Variants in LRRC7 observed in about 807,000 individuals in gnomAD.
The protein encoded by LRRC7 is leucine rich repeat containing 7.
LRRC7 carries 23 observed loss-of-function variants against 175.7 expected under a neutral mutation model. The observed-to-expected ratio is 0.13, with a 90% CI of 0.09 to 0.19. The LOEUF (loss-of-function observed/expected upper bound fraction) is 0.19. LRRC7 is among the 10% of genes least tolerant of loss of function. LRRC7 has a pLI of 1.00. For missense variants in LRRC7, 1,354 were observed against 1,904.7 expected, an observed-to-expected ratio of 0.71 and a Z score of 5.38; for synonymous variants, 685 against 680.9, an observed-to-expected ratio of 1.01 and a Z score of -0.09.
intron 23 of LRRC7, among the ~76,000 whole-genome samples, chr1:70,058,656 A>G (rs1445949002): frequency 2.0e-5 from 3 of 152,232 alleles, no homozygotes; most frequent in Non-Finnish European, 4.4e-5. Flanking sequence ...CACAGCAACT[A>G]TATGAAGTAA....
At chr1:69,986,566 C>T (rs921245915) in intron 10 of LRRC7, among the ~76,000 whole-genome samples, 180 bp downstream of exon 10, 1 of 152,072 alleles carries the variant, frequency 6.6e-6, no homozygotes, top group Admixed American at 6.6e-5. Context: ...AATATTAACT[C>T]GTTTCCAAAT....
At chr1:69,745,139 T>C (rs1340928731) in intron 2 of LRRC7, among the ~76,000 whole-genome samples, 1 of 151,924 alleles carries the variant, frequency 6.6e-6, no homozygotes, top group Non-Finnish European at 1.5e-5. Flanking sequence ...GTTCAAGATA[T>C]GAGAAGGGAA....
intron 11 of LRRC7, among the ~76,000 whole-genome samples, chr1:70,001,457 A>C (rs534338262): frequency 6.6e-6 from 1 of 152,326 alleles, no homozygotes; most frequent in South Asian, 2.1e-4. Context: ...GTTTTAATGG[A>C]TAATTATCTT....
intron 7 of LRRC7, among the ~76,000 whole-genome samples, chr1:69,910,999 G>T (rs1199677293): frequency 6.6e-6 from 1 of 152,210 alleles, no homozygotes; most frequent in Non-Finnish European, 1.5e-5. Context: ...GACCCTCCGA[G>T]TCATGTGGGG....
intron 23 of LRRC7, among the ~76,000 whole-genome samples, chr1:70,065,420 A>C (rs2102096953): frequency 6.6e-6 from 1 of 152,064 alleles, no homozygotes; most frequent in Admixed American, 6.6e-5. Flanking sequence ...ATGATGTAAA[A>C]TACTTATCAC....
chr1:69,827,926 A>C (rs1404004096), intron 5 of LRRC7, among the ~76,000 whole-genome samples: 2 of 152,142 alleles, frequency 1.3e-5, no homozygotes, highest in Non-Finnish European at 2.9e-5. Flanking sequence ...CATAGTCAAG[A>C]TATAGACTAT....
chr1:69,987,342 A>G (rs1279815398), intron 10 of LRRC7, among the ~76,000 whole-genome samples: 1 of 152,244 alleles, frequency 6.6e-6, no homozygotes, highest in Non-Finnish European at 1.5e-5. Flanking sequence ...TGCTGTTAGT[A>G]TTTGTAAGAG....
chr1:69,592,263 TA>T (rs1646666916), intron 1 of LRRC7, among the ~76,000 whole-genome samples: 1 of 152,032 alleles, frequency 6.6e-6, no homozygotes, highest in Non-Finnish European at 1.5e-5. Context: ...ATAAAAATTT[TA>T]AATGAAATTA....
chr1:69,650,088 A>G (rs1276948572), intron 1 of LRRC7, among the ~76,000 whole-genome samples: 2 of 152,194 alleles, frequency 1.3e-5, no homozygotes. Context: ...ACTCAAGGAC[A>G]TAGCACAACA....
chr1:70,092,032 A>G (rs1664065735), intron 25 of LRRC7, among the ~76,000 whole-genome samples: 1 of 152,122 alleles, frequency 6.6e-6, no homozygotes, highest in African/African-American at 2.4e-5. Flanking sequence ...GGATCTAAAG[A>G]CACTGACTGA....
chr1:69,834,394 A>G (rs1439964660), intron 5 of LRRC7, among the ~76,000 whole-genome samples: 1 of 152,156 alleles, frequency 6.6e-6, no homozygotes, highest in Admixed American at 6.6e-5. Flanking sequence ...TTGCCTGACT[A>G]TATATGTGAA....
intron 1 of LRRC7, among the ~76,000 whole-genome samples, chr1:69,576,042 G>A (rs1466451604): frequency 2.0e-5 from 3 of 150,102 alleles, no homozygotes; most frequent in Non-Finnish European, 4.4e-5. Context: ...GACCAACTTG[G>A]GCAATATAGT....
chr1:69,754,679 G>A (rs1168765183), intron 2 of LRRC7, among the ~76,000 whole-genome samples: 2 of 152,026 alleles, frequency 1.3e-5, no homozygotes, highest in Non-Finnish European at 2.9e-5. Flanking sequence ...TTGCTCCAGC[G>A]TCCAAGCTCC....
Position 70,136,796 on chromosome 1 carries a change from C to T in LRRC7, c.*14909C>T, listed in dbSNP as rs77309772. Among the ~76,000 whole-genome samples, 131 of 134,758 alleles carry T rather than the reference C, an allele frequency of 9.7e-4. 3 individuals carry two copies. In the East Asian group the frequency reaches 0.028, roughly 29 times the overall value. The allele number at this position is 134,758 out of a possible 152,430, so 88.4% of individuals were successfully genotyped here. ...CCAGGTTGGAGTGCAGTGGCATGAT[C>T]ATGGCCCACTGCAGCCTTGACCACC... is the stretch of plus-strand genomic sequence containing the variant. On this transcript the variant is annotated 3_prime_UTR_variant, in exon 27 of 27. Coordinates refer to ENST00000651989, the MANE Select transcript of LRRC7 (RefSeq NM_001370785.2).
At chr1:70,044,420 A>C (rs1660169830) in intron 22 of LRRC7, among the ~76,000 whole-genome samples, 1 of 150,460 alleles carries the variant, frequency 6.6e-6, no homozygotes, top group Non-Finnish European at 1.5e-5. Flanking sequence ...TTTTGTGTTT[A>C]TATATATGTT....
intron 22 of LRRC7, among the ~76,000 whole-genome samples, chr1:70,052,622 G>C (rs1308649261): frequency 6.6e-6 from 1 of 151,978 alleles, no homozygotes. Context: ...TAGAATATTA[G>C]AACTTATATT....
intron 2 of LRRC7, among the ~76,000 whole-genome samples, chr1:69,679,096 T>G (rs2100606138): frequency 6.6e-6 from 1 of 152,234 alleles, no homozygotes; most frequent in Middle Eastern, 3.4e-3. Flanking sequence ...GTAGGGATTA[T>G]ATTTATTTAT....
intron 1 of LRRC7, among the ~76,000 whole-genome samples, chr1:69,580,617 C>T (rs1646158185): frequency 6.6e-6 from 1 of 152,042 alleles, no homozygotes; most frequent in African/African-American, 2.4e-5. Context: ...TAAAAATCTA[C>T]CATATCTACT....
chr1:69,708,809 C>G (rs1456463264), intron 2 of LRRC7, among the ~76,000 whole-genome samples: 1 of 152,160 alleles, frequency 6.6e-6, no homozygotes, highest in East Asian at 1.9e-4. Flanking sequence ...TCTTTTATAG[C>G]CTTTATGTGT....
Sources: allele counts gnomAD v4.1 joint callset (sites outside exome capture counted in the v4.1 genomes callset), GRCh38; gene constraint gnomAD v4.1.1; transcripts MANE v1.5; gene names NCBI Gene and HGNC (gene_info 2026-07-23, HGNC 2026-07-21).